DOCK8: variants seen among roughly 807,000 people sequenced by gnomAD.
DOCK8 encodes dedicator of cytokinesis 8.
Under a neutral mutation model 245.6 loss-of-function variants are expected in DOCK8, and 141 were observed. That is an observed-to-expected ratio of 0.57 (90% CI 0.50 to 0.66). The LOEUF is 0.66. Among genes scored for constraint, DOCK8 ranks in the 30% least tolerant of loss-of-function variants. DOCK8 has a pLI of 0.00. For synonymous variants in DOCK8, 1,168 were observed against 970.2 expected (o/e 1.20, Z -3.79); for missense variants, 2,965 against 2,603.4 (o/e 1.14, Z -3.02).
chr9:230,151 G>A (rs1248421529), intron 1 of DOCK8, among the ~76,000 whole-genome samples: 10 of 148,758 alleles, frequency 6.7e-5, no homozygotes, highest in East Asian at 2.0e-4. Context: ...GAGAACATGC[G>A]GTGTTTGGTT....
At chr9:219,955 CAG>C (rs1381506318) in intron 1 of DOCK8, among the ~76,000 whole-genome samples, 5 of 152,140 alleles carry the variant, frequency 3.3e-5, no homozygotes, top group Non-Finnish European at 7.3e-5. Context: ...CAATGAGCTA[CAG>C]AGAGCTTTCT....
In DOCK8 at chr9:446,281, C is replaced by T. The variant is rs544782502; in HGVS notation, c.5581-89C>T. On this transcript the variant is annotated intron_variant, in intron 43 of 47. Transcript: ENST00000432829. ...TGCACTGGGCAGGGCGGTGCCGGCA[C>T]GCCGTGTTCCTGCATGCCCCTCCAT... The T allele has an allele frequency of 8.6e-5, 95 of 1,101,796 alleles. 1 individual carries two copies. The highest frequency in any genetic ancestry group is 6.0e-4 in the African/African-American group (39 of 64,992). 68.3% of individuals were successfully genotyped at this position (1,101,796 alleles called of 1,614,324 possible).
chr9:385,149 C>A (rs555920245), intron 22 of DOCK8, among the ~76,000 whole-genome samples: 2 of 151,964 alleles, frequency 1.3e-5, no homozygotes, highest in Non-Finnish European at 2.9e-5. Context: ...AAAATTAAAT[C>A]GTATAAACTT....
intron 1 of DOCK8, among the ~76,000 whole-genome samples, chr9:252,348 A>G (rs2131468415): frequency 6.6e-6 from 1 of 152,084 alleles, no homozygotes; most frequent in African/African-American, 2.4e-5. Flanking sequence ...TCACTCCACC[A>G]TATGTTTAGC....
At chr9:405,541 G>T (rs529917005) in intron 27 of DOCK8, among the ~76,000 whole-genome samples, 1 of 152,300 alleles carries the variant, frequency 6.6e-6, no homozygotes, top group South Asian at 2.1e-4. Flanking sequence ...AGGTGTGCAT[G>T]ATAAGCAGTG....
At chr9:258,844 C>T (rs530825423) in intron 1 of DOCK8, among the ~76,000 whole-genome samples, 27 of 152,068 alleles carry the variant, frequency 1.8e-4, no homozygotes, top group African/African-American at 4.1e-4. Flanking sequence ...GTGATCTGCC[C>T]GCCTTGGCCT....
intron 26 of DOCK8, among the ~76,000 whole-genome samples, chr9:400,149 C>T (rs921551802): frequency 3.7e-4 from 23 of 62,190 alleles, no homozygotes; most frequent in East Asian, 9.2e-4. Context: ...CCACCTCCAC[C>T]ATCACCACCA....
At chr9:323,480 C>CA (rs1272165835) in intron 7 of DOCK8, among the ~76,000 whole-genome samples, 1 of 152,068 alleles carries the variant, frequency 6.6e-6, no homozygotes, top group Admixed American at 6.6e-5. Context: ...CTCGGCCTCC[C>CA]AAAGTGCTGG....
intron 4 of DOCK8, among the ~76,000 whole-genome samples, chr9:293,937 C>T (rs2049150372): frequency 6.6e-6 from 1 of 152,248 alleles, no homozygotes; most frequent in Non-Finnish European, 1.5e-5. Context: ...TGCCTCACTA[C>T]TTACCAGTGT....
chr9:247,231 C>A (rs537968074), intron 1 of DOCK8, among the ~76,000 whole-genome samples: 1 of 152,234 alleles, frequency 6.6e-6, no homozygotes, highest in African/African-American at 2.4e-5. Flanking sequence ...ATTTATCATA[C>A]TATTAATTTG....
chr9:350,299 A>G (rs1159425915), intron 14 of DOCK8, among the ~76,000 whole-genome samples: 1 of 152,158 alleles, frequency 6.6e-6, no homozygotes, highest in Non-Finnish European at 1.5e-5. Flanking sequence ...TTTTCTAGAG[A>G]CAAGGTCTCA....
rs773806527 is a variant in DOCK8, at chr9:441,297, T to C, written c.5235T>C (p.Tyr1745=). The change falls in exon 41 of 48, where the codon TAT becomes TAC. Residue 1745 remains tyrosine (Y), a synonymous_variant. Transcript: ENST00000432829. ...AAELFSTGGL[Y]ETVNEVYKLV... ...CTCCTCTTTCCAAGGGAGGCTTATATGAGACAGTTAATGAGGTCTACAAGC... is the reference window on the plus strand; with the variant it reads ...CTCCTCTTTCCAAGGGAGGCTTATACGAGACAGTTAATGAGGTCTACAAGC... The C allele has an allele frequency of 6.2e-6, 10 of 1,614,220 alleles. No individual in the cohort carries two copies. The South Asian group carries it at 9.9e-5, about 16-fold the overall frequency.
chr9:285,202 C>A (rs928558667), intron 2 of DOCK8, among the ~76,000 whole-genome samples: 7 of 152,134 alleles, frequency 4.6e-5, no homozygotes, highest in Non-Finnish European at 7.4e-5. Context: ...TCAGGGACAG[C>A]AAGAGTGGGG....
chr9:459,984 T>C (rs1384703533), intron 46 of DOCK8: 2 of 152,238 alleles, frequency 1.3e-5, no homozygotes, highest in Non-Finnish European at 2.9e-5. Flanking sequence ...CATCCACCTC[T>C]TGATGGGGGC....
In DOCK8 at chr9:422,448, C is replaced by T. The variant is rs117395670; in HGVS notation, c.4241+313C>T. 3.2e-3 allele frequency among the ~76,000 whole-genome samples: 494 copies of T among 152,262 alleles called. 5 individuals are homozygous for T. Among genetic ancestry groups the T allele is most frequent in the South Asian group, 0.025 (120 of 4,822 alleles). ...GCAGGGAAATAGAGAAAGCAGGACA[C>T]GGTGCCTAGGACCGTATACTTTCAA... On this transcript the variant is annotated intron_variant, in intron 33 of 47. Transcript: ENST00000432829.
rs1287493047 is a variant in DOCK8, at chr9:267,556, C to A, written c.54-4071C>A. Reference sequence around the variant, plus strand: ...CTTACATAACTTCACAGGAGACAGACCTGAATGAGGTAGTTATTAAACTAC... The same window carrying A: ...CTTACATAACTTCACAGGAGACAGAACTGAATGAGGTAGTTATTAAACTAC... On this transcript the variant is annotated intron_variant, in intron 1 of 47. Transcript: ENST00000432829. 3.3e-5 allele frequency among the ~76,000 whole-genome samples: 5 copies of A among 152,108 alleles called. No individual in the cohort carries two copies. In the South Asian group the frequency reaches 6.2e-4, roughly 19 times the overall value.
upstream of DOCK8, chr9:214,722 G>C (rs1210970434): frequency 6.5e-7 from 1 of 1,538,298 alleles, no homozygotes; most frequent in Admixed American, 2.0e-5. Flanking sequence ...CCAGTTCCGC[G>C]CTGGGCCCAC....
At chr9:228,301 G>A (rs16923561) in intron 1 of DOCK8, among the ~76,000 whole-genome samples, 12,080 of 152,158 alleles carry the variant, frequency 0.079, 527 homozygotes, top group African/African-American at 0.13. Flanking sequence ...AAGAGACCCT[G>A]TGCTGTCTAA....
At position 434,763 on chromosome 9, in the gene DOCK8, C is replaced by T. The variant is rs373590493; in HGVS notation, c.4887-20C>T. ...TAACCCACTGTCCTCAAAACTACTT[C>T]TCACTCAATCTGTCTTCAGAATTGC... On this transcript the variant is annotated intron_variant, in intron 38 of 47. Coordinates refer to ENST00000432829, the MANE Select transcript of DOCK8 (RefSeq NM_203447.4). The T allele has an allele frequency of 3.7e-6, 6 of 1,613,270 alleles. No homozygotes were observed. The highest frequency in any genetic ancestry group is 5.1e-6 in the Non-Finnish European group (6 of 1,179,848).
Sources: allele counts gnomAD v4.1 joint callset (sites outside exome capture counted in the v4.1 genomes callset), GRCh38; gene constraint gnomAD v4.1.1; transcripts MANE v1.5; gene names NCBI Gene and HGNC (gene_info 2026-07-23, HGNC 2026-07-21).